KCNMB2: variants seen among roughly 807,000 people sequenced by gnomAD.
The protein encoded by KCNMB2 is potassium calcium-activated channel subfamily M regulatory beta subunit 2, also known as calcium-activated potassium channel subunit beta-2.
Under a neutral mutation model 24.5 loss-of-function variants are expected in KCNMB2, and 9 were observed. That is an observed-to-expected ratio of 0.37 (90% CI 0.22 to 0.64). The LOEUF is 0.64. Among genes scored for constraint, KCNMB2 ranks in the 30% least tolerant of loss-of-function variants. The pLI, the probability that KCNMB2 is intolerant of heterozygous loss-of-function variation, is 0.63. For synonymous variants in KCNMB2, 109 were observed against 104.4 expected (o/e 1.04, Z -0.27); for missense variants, 226 against 284.3 (o/e 0.79, Z 1.47).
chr3:178,615,862 C>A (rs1372296028), intron 1 of KCNMB2, among the ~76,000 whole-genome samples: 1 of 152,106 alleles, frequency 6.6e-6, no homozygotes, highest in Non-Finnish European at 1.5e-5. Flanking sequence ...ATTCAGGGCC[C>A]AAGGCTTCTT....
At chr3:178,691,749 T>G (rs1721686554) in intron 1 of KCNMB2, among the ~76,000 whole-genome samples, 1 of 152,222 alleles carries the variant, frequency 6.6e-6, no homozygotes, top group Admixed American at 6.5e-5. Flanking sequence ...ATAGAACAAT[T>G]TATACTCCTT....
At chr3:178,726,424 G>A (rs1471376698) in intron 1 of KCNMB2, among the ~76,000 whole-genome samples, 1 of 151,902 alleles carries the variant, frequency 6.6e-6, no homozygotes, top group African/African-American at 2.4e-5. Flanking sequence ...TTTATCTTCT[G>A]TCAGAAGATT....
intron 1 of KCNMB2, among the ~76,000 whole-genome samples, chr3:178,574,887 C>G (rs1308064781): frequency 2.0e-5 from 3 of 151,994 alleles, no homozygotes; most frequent in African/African-American, 7.2e-5. Context: ...GGCCAACATG[C>G]TGAAACCCCG....
chr3:178,543,627 CCTTTT>C (rs1254692167), intron 1 of KCNMB2, among the ~76,000 whole-genome samples: 4 of 152,186 alleles, frequency 2.6e-5, no homozygotes, highest in African/African-American at 9.7e-5. Flanking sequence ...GTTAAACTTT[CCTTTT>C]CTTTGGTCAA....
At chr3:178,802,100 C>T (rs1713796015) in intron 1 of KCNMB2, among the ~76,000 whole-genome samples, 1 of 152,170 alleles carries the variant, frequency 6.6e-6, no homozygotes, top group Non-Finnish European at 1.5e-5. Flanking sequence ...AAAATTATCA[C>T]CATATATTTG....
At chr3:178,676,344 A>T (rs757013455) in intron 1 of KCNMB2, among the ~76,000 whole-genome samples, 1 of 152,174 alleles carries the variant, frequency 6.6e-6, no homozygotes, top group East Asian at 1.9e-4. Flanking sequence ...GCAGACAGAG[A>T]GGTGAACTGA....
chr3:178,653,589 C>A (rs9856489), intron 1 of KCNMB2, among the ~76,000 whole-genome samples: 146,373 of 152,188 alleles, frequency 0.96, 70,413 homozygotes, highest in East Asian at 1. Flanking sequence ...CCTGGCCCTC[C>A]AGGAAATTTT....
At chr3:178,762,264 TG>T (rs1326677116) in intron 1 of KCNMB2, among the ~76,000 whole-genome samples, 1 of 152,148 alleles carries the variant, frequency 6.6e-6, no homozygotes, top group African/African-American at 2.4e-5. Flanking sequence ...AAAGCATTCC[TG>T]GGGACATGCT....
chr3:178,576,960 C>T (rs951466518), intron 1 of KCNMB2, among the ~76,000 whole-genome samples: 3 of 152,176 alleles, frequency 2.0e-5, no homozygotes, highest in African/African-American at 4.8e-5. Context: ...CTGAAGAGAG[C>T]GGAGGATCTC....
chr3:178,605,355 G>A (rs1157773382), intron 1 of KCNMB2, among the ~76,000 whole-genome samples: 1 of 152,142 alleles, frequency 6.6e-6, no homozygotes, highest in African/African-American at 2.4e-5. Context: ...GTTTATAAAA[G>A]CTACTTAGTC....
intron 2 of KCNMB2, among the ~76,000 whole-genome samples, chr3:178,823,720 G>A (rs1714723575): frequency 6.6e-6 from 1 of 152,078 alleles, no homozygotes; most frequent in South Asian, 2.1e-4. Context: ...GGCCATCCTG[G>A]AGCACAAAGC....
chr3:178,600,122 C>A (rs1032504413), intron 1 of KCNMB2, among the ~76,000 whole-genome samples: 3 of 152,174 alleles, frequency 2.0e-5, no homozygotes, highest in Non-Finnish European at 2.9e-5. Context: ...AAGTGATCCA[C>A]CCACCTCGGC....
intron 1 of KCNMB2, among the ~76,000 whole-genome samples, chr3:178,681,841 C>G (rs943099783): frequency 2.6e-5 from 4 of 152,126 alleles, no homozygotes; most frequent in Non-Finnish European, 4.4e-5. Flanking sequence ...TGGGAGTCCA[C>G]TAAATGTACA....
chr3:178,746,514 G>A (rs907466618), intron 1 of KCNMB2, among the ~76,000 whole-genome samples: 11 of 152,078 alleles, frequency 7.2e-5, no homozygotes, highest in Admixed American at 3.3e-4. Flanking sequence ...ATTAACTTTC[G>A]GCTCCTTGTT....
rs1724213956 is a variant in KCNMB2, at chr3:178,757,942, GGGATATATAGACACAAGA to G, written c.-67-49391_-67-49374del. Among the ~76,000 whole-genome samples, 12 of 42,986 alleles carry G rather than the reference GGGATATATAGACACAAGA, an allele frequency of 2.8e-4. 3 individuals carry two copies. Among genetic ancestry groups the G allele is most frequent in the South Asian group, 1.4e-3 (2 of 1,390 alleles). 28.2% of individuals were successfully genotyped at this position (42,986 alleles called of 152,430 possible). A position where few individuals can be genotyped will look rare whatever the true frequency, so the allele number is the denominator to read the frequency against. On this transcript the variant is annotated intron_variant, in intron 1 of 4. Coordinates refer to ENST00000452583, the MANE Select transcript of KCNMB2 (RefSeq NM_181361.3). ...CCAAGAGGATATATATATACACAAG[GGGATATATAGACACAAGA>G]GGATATATATATAGACACAAGAGGA... is the stretch of plus-strand genomic sequence containing the variant.
intron 1 of KCNMB2, among the ~76,000 whole-genome samples, chr3:178,586,988 C>A (rs1373801500): frequency 6.6e-6 from 1 of 152,042 alleles, no homozygotes; most frequent in Non-Finnish European, 1.5e-5. Context: ...TTAAAACCAC[C>A]TTTTGGATAC....
chr3:178,751,982 T>A (rs1723867102), intron 1 of KCNMB2, among the ~76,000 whole-genome samples: 1 of 152,182 alleles, frequency 6.6e-6, no homozygotes, highest in Non-Finnish European at 1.5e-5. Flanking sequence ...GAAGCAAATT[T>A]AAAGTTAACA....
intron 2 of KCNMB2, among the ~76,000 whole-genome samples, chr3:178,822,851 T>C (rs1714685716): frequency 6.6e-6 from 1 of 152,252 alleles, no homozygotes; most frequent in Non-Finnish European, 1.5e-5. Flanking sequence ...TCTTCTCTTT[T>C]ATGGGTATAG....
At chr3:178,655,700 AG>A (rs889401949) in intron 1 of KCNMB2, among the ~76,000 whole-genome samples, 7 of 152,356 alleles carry the variant, frequency 4.6e-5, no homozygotes, top group African/African-American at 1.7e-4. Context: ...TTCAGAGGCC[AG>A]GAACGCCCAG....
Sources: gnomAD v4.1 joint callset for allele counts (sites outside exome capture counted in the v4.1 genomes callset) on GRCh38, gnomAD v4.1.1 for gene constraint, MANE v1.5 for transcripts, NCBI Gene and HGNC (gene_info 2026-07-23, HGNC 2026-07-21) for gene names.